NUTM2E: variants seen among roughly 807,000 people sequenced by gnomAD.
NUTM2E encodes family with sequence similarity 22, member E.
Under a neutral mutation model 26.1 loss-of-function variants are expected in NUTM2E, and 3 were observed. That is an observed-to-expected ratio of 0.12 (90% CI 0.05 to 0.30). The LOEUF is 0.30. NUTM2E is among the 10% of genes least tolerant of loss of function. NUTM2E has a pLI of 1.00. For synonymous variants in NUTM2E, 13 were observed against 157.5 expected, an observed-to-expected ratio of 0.08 and a Z score of 6.87; for missense variants, 62 against 381.3, an observed-to-expected ratio of 0.16 and a Z score of 6.97.
intron 1 of NUTM2E, among the ~76,000 whole-genome samples, chr10:79,828,490 A>G (rs1475624365): frequency 1.3e-5 from 2 of 151,522 alleles, no homozygotes; most frequent in African/African-American, 4.8e-5. Flanking sequence ...CTTCTGTCAC[A>G]CTCTATATTT....
At chr10:79,830,996 A>G (rs1269555335) in intron 1 of NUTM2E, among the ~76,000 whole-genome samples, 2 of 151,470 alleles carry the variant, frequency 1.3e-5, no homozygotes, top group African/African-American at 4.9e-5. Flanking sequence ...TCAGTGTTTC[A>G]CTCTTGCTAT....
chr10:79,837,677 G>C (rs1441020999), intron 1 of NUTM2E, among the ~76,000 whole-genome samples: 1 of 152,030 alleles, frequency 6.6e-6, no homozygotes, highest in African/African-American at 2.4e-5. Flanking sequence ...TTTTCTATTA[G>C]CTGTTATCTA....
chr10:79,839,435 A>C (rs411155), intron 3 of NUTM2E, among the ~76,000 whole-genome samples, 193 bp from the exon 4 acceptor site: 2 of 148,788 alleles, frequency 1.3e-5, no homozygotes, highest in African/African-American at 5.0e-5. Flanking sequence ...TTTTGTTGTA[A>C]CCTTGATCAA....
intron 1 of NUTM2E, among the ~76,000 whole-genome samples, chr10:79,832,717 A>G (rs1444917129): frequency 6.6e-6 from 1 of 151,792 alleles, no homozygotes; most frequent in African/African-American, 2.4e-5. Flanking sequence ...ATTCTGAATT[A>G]CAAAAATCAT....
chr10:79,830,102 A>C lies in NUTM2E; in HGVS notation c.-2728+2745A>C, dbSNP rs536992180. ...TTTTAGTAAATCAAGTTCTCAGAAAACTAAAGTAAAAAAATCTTAACATTA... is the reference window on the plus strand; with the variant it reads ...TTTTAGTAAATCAAGTTCTCAGAAACCTAAAGTAAAAAAATCTTAACATTA... On this transcript the variant is annotated intron_variant, in intron 1 of 9. Coordinates refer to ENST00000429984, the MANE Select transcript of NUTM2E (RefSeq NM_001355263.2). Among the ~76,000 whole-genome samples the C allele has an allele frequency of 3.1e-3, 472 of 151,812 alleles. 4 individuals carry two copies. The highest frequency in any genetic ancestry group is 0.011 in the African/African-American group (442 of 41,462).
At chr10:79,845,369 G>A (rs1287110533) in intron 5 of NUTM2E, among the ~76,000 whole-genome samples, 1 of 113,430 alleles carries the variant, frequency 8.8e-6, no homozygotes, top group Admixed American at 8.3e-5. Flanking sequence ...GGATGGTCTC[G>A]GGCCCTGCAC....
rs1841913993 is a variant in NUTM2E, at chr10:79,829,625, G to A, written c.-2728+2268G>A. On this transcript the variant is annotated intron_variant, in intron 1 of 9. Coordinates refer to ENST00000429984, the MANE Select transcript of NUTM2E (RefSeq NM_001355263.2). ...CTTCCCATACCCTCAGTGACTTACG[G>A]TATTTATTTACTAAATGCCAAAGCA... Among the ~76,000 whole-genome samples, 3 of 151,894 alleles carry A rather than the reference G, an allele frequency of 2.0e-5. No individual in the cohort carries two copies. In the South Asian group the frequency reaches 6.3e-4, roughly 32 times the overall value.
At chr10:79,831,571 A>C (rs1841927116) in intron 1 of NUTM2E, among the ~76,000 whole-genome samples, 2 of 151,912 alleles carry the variant, frequency 1.3e-5, no homozygotes, top group African/African-American at 4.8e-5. Flanking sequence ...AGACCTCATC[A>C]GACCATATTG....
chr10:79,833,278 A>G (rs1171782453), intron 1 of NUTM2E, among the ~76,000 whole-genome samples: 1 of 151,698 alleles, frequency 6.6e-6, no homozygotes, highest in East Asian at 1.9e-4. Flanking sequence ...AAGAGAATAT[A>G]TCCTTAAACA....
rs1841983673 is a variant in NUTM2E, at chr10:79,839,120, T to C, written c.-2114+5T>C. The stretch of plus-strand genomic sequence containing the variant: ...AACGATCACTCCTAATTTTCGGTAA[T>C]ACAAACCTGCAGTCCATGCACCTAG... On this transcript the variant is annotated splice_donor_5th_base_variant and intron_variant, in intron 3 of 9. Coordinates refer to ENST00000429984, the MANE Select transcript of NUTM2E (RefSeq NM_001355263.2). Among the ~76,000 whole-genome samples, 1 of 151,574 alleles carries C rather than the reference T, an allele frequency of 6.6e-6. No individual in the cohort carries two copies. The highest frequency in any genetic ancestry group is 1.5e-5 in the Non-Finnish European group (1 of 67,856).
intron 1 of NUTM2E, among the ~76,000 whole-genome samples, chr10:79,833,467 G>A (rs2341948): frequency 0.83 from 124,491 of 150,632 alleles, 52,126 homozygotes; most frequent in East Asian, 0.99. Context: ...TATCCATCTG[G>A]CAAAGGACTA....
intron 1 of NUTM2E, among the ~76,000 whole-genome samples, chr10:79,832,333 T>A (rs1564741151): frequency 1.3e-5 from 2 of 151,802 alleles, no homozygotes; most frequent in Non-Finnish European, 2.9e-5. Flanking sequence ...TGTGTATGTT[T>A]ATCGTGGGGA....
chr10:79,836,806 C>G (rs1407427417), intron 1 of NUTM2E, among the ~76,000 whole-genome samples: 2 of 151,902 alleles, frequency 1.3e-5, no homozygotes, highest in Non-Finnish European at 2.9e-5. Flanking sequence ...CTGAGAAGTG[C>G]TATAGCAATC....
chr10:79,829,862 A>C (rs564767344), intron 1 of NUTM2E, among the ~76,000 whole-genome samples: 1 of 151,760 alleles, frequency 6.6e-6, no homozygotes, highest in African/African-American at 2.4e-5. Flanking sequence ...CATCCACTTC[A>C]TAATGACAAT....
rs977804526 is a variant in NUTM2E, at chr10:79,840,566, C to G, written c.-1175C>G. On this transcript the variant is annotated 5_prime_UTR_variant, in exon 4 of 10. Transcript: ENST00000429984. ...GGAGTTAGGAAATGACCTTCTCACA[C>G]AACTGGGGCAGTGGGGGAGAACCCT... 4.9e-5 allele frequency among the ~76,000 whole-genome samples: 7 copies of G among 142,660 alleles called. No homozygotes were observed. The highest frequency in any genetic ancestry group is 1.8e-4 in the African/African-American group (7 of 38,848). The allele number at this position is 142,660 out of a possible 152,430, so 93.6% of individuals were successfully genotyped here.
At chr10:79,831,032 C>CT (rs1175397878) in intron 1 of NUTM2E, among the ~76,000 whole-genome samples, 4 of 151,706 alleles carry the variant, frequency 2.6e-5, no homozygotes, top group Non-Finnish European at 5.9e-5. Context: ...CTCTTTTGAC[C>CT]TAGAGTTTTT....
chr10:79,832,550 A>G (rs1841933782), intron 1 of NUTM2E, among the ~76,000 whole-genome samples: 1 of 151,714 alleles, frequency 6.6e-6, no homozygotes, highest in Non-Finnish European at 1.5e-5. Flanking sequence ...TAACTCACAT[A>G]AATTCACACA....
At position 79,827,007 on chromosome 10, in the gene NUTM2E, G is replaced by GTCGCCTAGCC. The variant is rs1841887065; in HGVS notation, c.-3072_-3071insAGCCTCGCCT. On this transcript the variant is annotated 5_prime_UTR_variant, in exon 1 of 10. Transcript: ENST00000429984. ...GTTCTCCCTAAGCACCCTCGCTCAC[G>GTCGCCTAGCC]TCGCCTCGCCTCGCCTGACCGGCCG... 1 of 113,778 alleles carries GTCGCCTAGCC rather than the reference G, an allele frequency of 8.8e-6. No individual in the cohort carries two copies. The highest frequency in any genetic ancestry group is 8.6e-5 in the Admixed American group (1 of 11,582). 7.0% of individuals were successfully genotyped at this position (113,778 alleles called of 1,614,324 possible).
rs369347445 is a variant in NUTM2E, at chr10:79,833,902, A to C, written c.-2727-4407A>C. On this transcript the variant is annotated intron_variant, in intron 1 of 9. Coordinates refer to ENST00000429984, the MANE Select transcript of NUTM2E (RefSeq NM_001355263.2). ...TTATAAATCATTCTTCTATAAAGAC[A>C]TATGCACATGTATGTTTATTGCAGC... 5.3e-5 allele frequency among the ~76,000 whole-genome samples: 8 copies of C among 151,912 alleles called. No individual in the cohort carries two copies. In the East Asian group the frequency reaches 1.2e-3, roughly 22 times the overall value.
Sources: gnomAD v4.1 joint callset for allele counts (sites outside exome capture counted in the v4.1 genomes callset) on GRCh38, gnomAD v4.1.1 for gene constraint, MANE v1.5 for transcripts, NCBI Gene and HGNC (gene_info 2026-07-23, HGNC 2026-07-21) for gene names.